The following TOX3 variants were observed in gnomAD, a reference collection of about 807,000 sequenced individuals.
TOX3 encodes the protein TOX high mobility group box family member 3.
A neutral mutation model predicts 64.3 loss-of-function variants in TOX3; 22 were observed. That is an observed-to-expected ratio of 0.34 (90% CI 0.24 to 0.49). The LOEUF is 0.49. Among genes scored for constraint, TOX3 ranks in the 20% least tolerant of loss-of-function variants. The pLI is 0.99. For synonymous variants in TOX3, 291 were observed against 273.6 expected, an observed-to-expected ratio of 1.06 and a Z score of -0.63; for missense variants, 661 against 714.4, an observed-to-expected ratio of 0.93 and a Z score of 0.85.
At chr16:52,524,212 T>C (rs1196481421) in intron 1 of TOX3, among the ~76,000 whole-genome samples, 1 of 152,174 alleles carries the variant, frequency 6.6e-6, no homozygotes, top group Non-Finnish European at 1.5e-5. Flanking sequence ...AAAAACATTA[T>C]CTTGAACTAT....
At chr16:52,546,492 G>T in intron 1 of TOX3, 145 bp downstream of exon 1, 1 of 730,426 alleles carries the variant, frequency 1.4e-6, no homozygotes, top group Non-Finnish European at 2.1e-6. Context: ...GGGAGAGCTG[G>T]ACAGAGACGA....
At chr16:52,469,696 AT>A (rs1411677259) in intron 1 of TOX3, among the ~76,000 whole-genome samples, 1 of 152,208 alleles carries the variant, frequency 6.6e-6, no homozygotes, top group African/African-American at 2.4e-5. Flanking sequence ...ACATAGATAA[AT>A]ACACAGATAA....
chr16:52,497,523 T>A (rs1961879387), intron 1 of TOX3, among the ~76,000 whole-genome samples: 1 of 152,224 alleles, frequency 6.6e-6, no homozygotes, highest in Admixed American at 6.5e-5. Context: ...CAGAAAATGG[T>A]ATTGGGAGCC....
chr16:52,534,482 T>C (rs990146284), intron 1 of TOX3, among the ~76,000 whole-genome samples: 2 of 151,788 alleles, frequency 1.3e-5, no homozygotes, highest in Non-Finnish European at 2.9e-5. Context: ...TACAAAAATA[T>C]TAAAAATTAG....
chr16:52,459,827 G>C (rs1006973377), intron 3 of TOX3, among the ~76,000 whole-genome samples: 2 of 151,776 alleles, frequency 1.3e-5, no homozygotes, highest in Non-Finnish European at 2.9e-5. Flanking sequence ...ATTTTTTTAA[G>C]TATAAAAATG....
intron 1 of TOX3, among the ~76,000 whole-genome samples, chr16:52,488,733 T>C (rs918806875): frequency 6.6e-6 from 1 of 152,172 alleles, no homozygotes; most frequent in Non-Finnish European, 1.5e-5. Flanking sequence ...ATTCAACAAA[T>C]GTGTACTGAG....
rs8049149 is a variant in TOX3 at position 52,439,207 on chromosome 16, C to T, written c.*18G>A. On this transcript the variant is annotated 3_prime_UTR_variant, in exon 7 of 7. Transcript: ENST00000219746. ...CCACTCTCCTTGGTATACGCAAATC[C>T]GTCTGCCATATGCGTCTTCAGAAAA... 1.0e-3 allele frequency: 1,668 copies of T among 1,613,724 alleles called. 14 individuals carry two copies. The African/African-American group carries it at 0.02, about 19-fold the overall frequency.
chr16:52,442,276 G>A (rs1186618575), intron 6 of TOX3, among the ~76,000 whole-genome samples: 1 of 152,168 alleles, frequency 6.6e-6, no homozygotes, highest in Non-Finnish European at 1.5e-5. Context: ...GGCTCTGCGT[G>A]CAGAGGCATA....
At chr16:52,499,673 C>T (rs1033934103) in intron 1 of TOX3, among the ~76,000 whole-genome samples, 1 of 152,136 alleles carries the variant, frequency 6.6e-6, no homozygotes, top group Non-Finnish European at 1.5e-5. Context: ...CACAGGAGTC[C>T]GGAAAGATCT....
At chr16:52,535,419 C>A (rs879611624) in intron 1 of TOX3, among the ~76,000 whole-genome samples, 1 of 152,166 alleles carries the variant, frequency 6.6e-6, no homozygotes, top group Non-Finnish European at 1.5e-5. Flanking sequence ...CCCTTCAATC[C>A]CCTTCGTCCT....
chr16:52,536,372 G>C (rs1279502947), intron 1 of TOX3, among the ~76,000 whole-genome samples: 2 of 151,656 alleles, frequency 1.3e-5, no homozygotes, highest in Admixed American at 6.6e-5. Context: ...GTGCTGAGAA[G>C]AGGCCAGCCA....
chr16:52,462,855 T>TA (rs1342046602), intron 3 of TOX3, among the ~76,000 whole-genome samples: 1 of 150,256 alleles, frequency 6.7e-6, no homozygotes. Context: ...AAAAAAAAAG[T>TA]AAAAAATAAA....
rs1959868313 is a variant in TOX3 at position 52,439,434 on chromosome 16, G to A, written c.1522C>T (p.Gln508Ter). The A allele has an allele frequency of 1.3e-6, 2 of 1,532,156 alleles. No individual in the cohort carries two copies. Among genetic ancestry groups the A allele is most frequent in the Non-Finnish European group, 1.8e-6 (2 of 1,126,808 alleles). 94.9% of individuals were successfully genotyped at this position (1,532,156 alleles called of 1,614,324 possible). ...AGCTGGAGGCGCTGCTGCAGCTGCT[G>A]CTGCAGCTGCTGTTGATTAATTTGC... ...QQQINQQQLQ[Q>*]QLQQRLQLQQ... The change falls in exon 7 of 7, where the codon CAG becomes TAG. Residue 508 changes from glutamine to a stop codon, truncating the protein, a stop_gained. Transcript: ENST00000219746. LOFTEE classifies it high-confidence loss of function.
intron 3 of TOX3, among the ~76,000 whole-genome samples, chr16:52,453,331 G>A (rs1003491239): frequency 2.0e-5 from 3 of 151,694 alleles, no homozygotes; most frequent in East Asian, 1.9e-4. Flanking sequence ...TTACAGGCAC[G>A]CACCACCATA....
intron 1 of TOX3, among the ~76,000 whole-genome samples, chr16:52,480,922 G>A (rs1393175602): frequency 6.9e-6 from 1 of 144,220 alleles, no homozygotes; most frequent in Non-Finnish European, 1.5e-5. Flanking sequence ...GATAATGTCT[G>A]AAGAGAGTTT....
At chr16:52,501,816 T>C (rs1490007761) in intron 1 of TOX3, among the ~76,000 whole-genome samples, 1 of 152,152 alleles carries the variant, frequency 6.6e-6, no homozygotes, top group Non-Finnish European at 1.5e-5. Flanking sequence ...TTAAGAAGCC[T>C]CCCTATCGAG....
chr16:52,438,862 T>G lies in TOX3; in HGVS notation c.*363A>C. The G allele has an allele frequency of 9.8e-6, 5 of 509,422 alleles. No individual in the cohort carries two copies. Among genetic ancestry groups the G allele is most frequent in the South Asian group, 7.4e-5 (5 of 67,388 alleles). 31.6% of individuals were successfully genotyped at this position (509,422 alleles called of 1,614,324 possible). On this transcript the variant is annotated 3_prime_UTR_variant, in exon 7 of 7. Coordinates refer to ENST00000219746, the MANE Select transcript of TOX3 (RefSeq NM_001080430.4). ...CCTGGAAGTGTGGTTTACTCACTTC[T>G]GGAGAAATAAGGCCATTTTTCTATG...
intron 1 of TOX3, among the ~76,000 whole-genome samples, chr16:52,493,377 C>T (rs763968607): frequency 6.6e-6 from 1 of 152,088 alleles, no homozygotes; most frequent in Non-Finnish European, 1.5e-5. Flanking sequence ...AATTTTTAAT[C>T]GAGTTCAGCG....
At position 52,439,156 on chromosome 16, in the gene TOX3, A is replaced by G; in HGVS notation, c.*69T>C. On this transcript the variant is annotated 3_prime_UTR_variant, in exon 7 of 7. Transcript: ENST00000219746. ...TAACCAACACCAACTTACAGGTTTC[A>G]GCCACATATGCTTTTCCCTCCTATG... The G allele has an allele frequency of 6.2e-7, 1 of 1,603,424 alleles. No homozygotes were observed. Among genetic ancestry groups the G allele is most frequent in the South Asian group, 1.1e-5 (1 of 88,872 alleles).
Sources: gnomAD v4.1 joint callset for allele counts (sites outside exome capture counted in the v4.1 genomes callset) on GRCh38, gnomAD v4.1.1 for gene constraint, MANE v1.5 for transcripts, NCBI Gene and HGNC (gene_info 2026-07-23, HGNC 2026-07-21) for gene names.